ADCY5: variants seen among roughly 807,000 people sequenced by gnomAD.
The protein encoded by ADCY5 is adenylate cyclase type 5.
In ADCY5, 30 loss-of-function variants were observed where a neutral mutation model predicts 119.7. The ratio of observed to expected loss-of-function variants is 0.25; its 90% CI spans 0.19 to 0.34. The LOEUF (loss-of-function observed/expected upper bound fraction) is 0.34. Ranked by LOEUF, ADCY5 falls within the 10% of genes least tolerant of loss-of-function variation. The pLI, the probability that ADCY5 is intolerant of heterozygous loss-of-function variation, is 1.00. For missense variants in ADCY5, 1,324 were observed against 1,775.2 expected (o/e 0.75, Z 4.57); for synonymous variants, 753 against 762.2 (o/e 0.99, Z 0.20).
chr3:123,356,427 A>G (rs1382563772), intron 1 of ADCY5, among the ~76,000 whole-genome samples: 2 of 152,218 alleles, frequency 1.3e-5, no homozygotes, highest in Non-Finnish European at 2.9e-5. Context: ...AAATGTACAA[A>G]GGCAATTACA....
chr3:123,417,226 C>T (rs935175947), intron 1 of ADCY5, among the ~76,000 whole-genome samples: 1 of 152,208 alleles, frequency 6.6e-6, no homozygotes, highest in Admixed American at 6.5e-5. Context: ...GTACCAGGTT[C>T]CCCCCTACCC....
chr3:123,396,899 CAG>C (rs1458522922), intron 1 of ADCY5, among the ~76,000 whole-genome samples: 1 of 151,582 alleles, frequency 6.6e-6, no homozygotes, highest in East Asian at 1.9e-4. Context: ...CTGTAGCACA[CAG>C]GGGCATGCAC....
At chr3:123,290,643 T>A (rs1939089392) in intron 18 of ADCY5, among the ~76,000 whole-genome samples, 1 of 152,202 alleles carries the variant, frequency 6.6e-6, no homozygotes, top group Non-Finnish European at 1.5e-5. Flanking sequence ...GGGCCTCACA[T>A]CTTTCTCCTG....
Position 123,447,767 on chromosome 3 carries a change from T to G in ADCY5, c.779A>C (p.His260Pro). ...CAGCTGGAGCGGGGGCCGCGCCGCG[T>G]GGAAGGCCAACATGACCAGGCACAC... Reference protein sequence around the residue: ...VLVCLVMLAFHAARPPLQLPY... With the variant: ...VLVCLVMLAFPAARPPLQLPY... The change falls in exon 1 of 21, where the codon CAC (histidine) becomes CCC (proline). Residue 260 changes from histidine to proline, a missense_variant. By Grantham distance (77) the His-to-Pro change is moderately conservative. Coordinates refer to ENST00000462833, the MANE Select transcript of ADCY5 (RefSeq NM_183357.3). The G allele has an allele frequency of 6.2e-7, 1 of 1,608,224 alleles. No homozygotes were observed. Among genetic ancestry groups the G allele is most frequent in the Non-Finnish European group, 8.5e-7 (1 of 1,176,880 alleles).
chr3:123,365,571 G>T (rs1025873648), intron 1 of ADCY5, among the ~76,000 whole-genome samples: 2 of 152,218 alleles, frequency 1.3e-5, no homozygotes, highest in African/African-American at 2.4e-5. Context: ...GAGAGCTTCG[G>T]TTCCTAATCC....
At chr3:123,363,888 G>A (rs151109758) in intron 1 of ADCY5, among the ~76,000 whole-genome samples, 237 of 152,270 alleles carry the variant, frequency 1.6e-3, no homozygotes, top group Non-Finnish European at 2.7e-3. Context: ...CAGCCTGGGT[G>A]ACAGAGCAAG....
intron 14 of ADCY5, 108 bp from the exon 15 acceptor site, chr3:123,300,403 C>T: frequency 8.0e-7 from 1 of 1,246,472 alleles, no homozygotes; most frequent in Non-Finnish European, 1.1e-6. Flanking sequence ...CTGGGCTGGG[C>T]ATGTTTCTGC....
intron 1 of ADCY5, among the ~76,000 whole-genome samples, chr3:123,365,797 C>G (rs1943416887): frequency 6.6e-6 from 1 of 152,058 alleles, no homozygotes; most frequent in African/African-American, 2.4e-5. Context: ...GAAGGTGACT[C>G]TGGATGTTTG....
Position 123,448,040 on chromosome 3 carries a change from G to A in ADCY5, c.506C>T (p.Ala169Val), listed in dbSNP as rs1945859308. The A allele has an allele frequency of 2.4e-6, 3 of 1,245,786 alleles. No homozygotes were observed. The South Asian group carries it at 9.0e-5, about 37-fold the overall frequency. 77.2% of individuals were successfully genotyped at this position (1,245,786 alleles called of 1,614,324 possible). ...GGCGCCGGCCTCCAGCTCGTCGGCC[G>A]CGCGCCCCTTGCCCCGCCGCTCCTC... The part of the protein sequence containing the change: ...GLEERRGKGR[A>V]ADELEAGAVE... Residue 169 changes from alanine to valine, a missense_variant, in exon 1 of 21, where the codon GCG (alanine) becomes GTG (valine). Physicochemically the swap from Ala to Val is moderately conservative, Grantham distance 64 (BLOSUM62 0). Coordinates refer to ENST00000462833, the MANE Select transcript of ADCY5 (RefSeq NM_183357.3).
chr3:123,448,593 C>T lies in ADCY5; in HGVS notation c.-48G>A. On this transcript the variant is annotated 5_prime_UTR_variant, in exon 1 of 21. Coordinates refer to ENST00000462833, the MANE Select transcript of ADCY5 (RefSeq NM_183357.3). The stretch of plus-strand genomic sequence containing the variant: ...CCTTCCTCCTCCCCCGGAAGCCGGG[C>T]CGGGGGTCTCCAAGGGGAGGGCGGA... The T allele has an allele frequency of 6.3e-6, 8 of 1,266,728 alleles. No homozygotes were observed. Among genetic ancestry groups the T allele is most frequent in the Non-Finnish European group, 6.9e-6 (7 of 1,008,324 alleles). The allele number at this position is 1,266,728 out of a possible 1,614,324, so 78.5% of individuals were successfully genotyped here. A position where few individuals can be genotyped will look rare whatever the true frequency, so the allele number is the denominator to read the frequency against.
chr3:123,413,131 A>C (rs761788036), intron 1 of ADCY5, among the ~76,000 whole-genome samples: 3 of 152,174 alleles, frequency 2.0e-5, no homozygotes, highest in Non-Finnish European at 4.4e-5. Context: ...TTCATCTTGG[A>C]AACTCTGCCA....
intron 1 of ADCY5, among the ~76,000 whole-genome samples, chr3:123,409,542 AC>A (rs1283058717): frequency 6.6e-6 from 1 of 152,178 alleles, no homozygotes; most frequent in African/African-American, 2.4e-5. Flanking sequence ...TAAGGGAAGC[AC>A]CACCAAAAAT....
intron 1 of ADCY5, among the ~76,000 whole-genome samples, chr3:123,443,567 C>T (rs1030910810): frequency 5.9e-5 from 9 of 152,176 alleles, no homozygotes; most frequent in East Asian, 1.9e-4. Flanking sequence ...TACAGACACA[C>T]GTGCTCACAG....
At chr3:123,300,632 G>C (rs1281824981) in intron 14 of ADCY5, among the ~76,000 whole-genome samples, 1 of 152,196 alleles carries the variant, frequency 6.6e-6, no homozygotes, top group African/African-American at 2.4e-5. Context: ...TGTCCCCTCT[G>C]CAAGGCTTCC....
chr3:123,334,128 A>G (rs1351482086), intron 3 of ADCY5, among the ~76,000 whole-genome samples: 1 of 152,184 alleles, frequency 6.6e-6, no homozygotes, highest in Non-Finnish European at 1.5e-5. Context: ...AAAGGGACAC[A>G]AAAATCTAAA....
intron 20 of ADCY5, 124 bp from the exon 21 acceptor site, chr3:123,284,860 G>T: frequency 1.5e-6 from 2 of 1,340,398 alleles, no homozygotes; most frequent in Non-Finnish European, 1.0e-6. Flanking sequence ...GAGAGGGGCA[G>T]CTGCCCCACT....
chr3:123,395,044 G>A (rs900916976), intron 1 of ADCY5, among the ~76,000 whole-genome samples: 4 of 152,314 alleles, frequency 2.6e-5, no homozygotes, highest in African/African-American at 9.6e-5. Flanking sequence ...ATGACCCTTT[G>A]GACAGTCCCC....
intron 11 of ADCY5, among the ~76,000 whole-genome samples, chr3:123,316,973 G>A (rs912928304): frequency 6.6e-6 from 1 of 152,034 alleles, no homozygotes; most frequent in Non-Finnish European, 1.5e-5. Flanking sequence ...ACTTTTCTGT[G>A]CATTTGAGGA....
chr3:123,439,786 C>T lies in ADCY5; in HGVS notation c.1134+7626G>A, dbSNP rs557735569. On this transcript the variant is annotated intron_variant, in intron 1 of 20. Transcript: ENST00000462833. ...ACCCGTCATCTTTGCAACCCCATGG[C>T]CTAGACAGTGCCTATTATAAGGTAG... Among the ~76,000 whole-genome samples, 318 of 152,248 alleles carry T rather than the reference C, an allele frequency of 2.1e-3. 1 individual carries two copies. The highest frequency in any genetic ancestry group is 7.3e-3 in the African/African-American group (305 of 41,546).
Sources: gnomAD v4.1 joint callset for allele counts (sites outside exome capture counted in the v4.1 genomes callset) on GRCh38, gnomAD v4.1.1 for gene constraint, MANE v1.5 for transcripts, NCBI Gene and HGNC (gene_info 2026-07-23, HGNC 2026-07-21) for gene names.